CEP76: variants seen among roughly 807,000 people sequenced by gnomAD.
CEP76 encodes centrosomal protein 76, also known as centrosomal protein of 76 kDa.
In CEP76, 55 loss-of-function variants were observed where a neutral mutation model predicts 83.3. The ratio of observed to expected loss-of-function variants is 0.66; its 90% CI spans 0.53 to 0.83. The LOEUF (loss-of-function observed/expected upper bound fraction) is 0.83, where lower values mean the gene tolerates loss of function less well. Among genes scored for constraint, CEP76 ranks in the 40% least tolerant of loss-of-function variants. The pLI, the probability that CEP76 is intolerant of heterozygous loss-of-function variation, is 0.00. For missense variants in CEP76, 694 were observed against 799.5 expected (o/e 0.87, Z 1.59); for synonymous variants, 270 against 274.5 (o/e 0.98, Z 0.16).
intron 8 of CEP76, among the ~76,000 whole-genome samples, chr18:12,682,171 T>TC (rs2039374262): frequency 1.3e-5 from 2 of 152,146 alleles, no homozygotes; most frequent in Admixed American, 1.3e-4. Context: ...TCTTTTTTTT[T>TC]TCCTCTCTTT....
downstream of CEP76, among the ~76,000 whole-genome samples, chr18:12,671,590 TTTTTAATATATAAAA>T (rs1489636987): frequency 1.3e-5 from 2 of 151,510 alleles, no homozygotes; most frequent in African/African-American, 2.4e-5. Context: ...CTTAACACTT[TTTTTAATATATAAAA>T]TTTTAAAATA....
chr18:12,677,414 G>A (rs997241561), intron 10 of CEP76, among the ~76,000 whole-genome samples: 23 of 129,754 alleles, frequency 1.8e-4, no homozygotes, highest in African/African-American at 5.6e-4. Flanking sequence ...CCAAGATCAC[G>A]CCACTGCGCT....
At chr18:12,674,811 C>A in intron 10 of CEP76, 58 bp from the exon 11 acceptor site, 2 of 1,094,394 alleles carry the variant, frequency 1.8e-6, no homozygotes, top group Non-Finnish European at 1.3e-6. Context: ...TTAAAACCAA[C>A]TAAATAAAAA....
At chr18:12,691,745 T>G (rs2039771836) in intron 6 of CEP76, among the ~76,000 whole-genome samples, 1 of 151,298 alleles carries the variant, frequency 6.6e-6, no homozygotes, top group Non-Finnish European at 1.5e-5. Context: ...GGATGCAGTC[T>G]TGCTCTGTCG....
At chr18:12,697,695 AAG>A (rs1187386701) in intron 4 of CEP76, among the ~76,000 whole-genome samples, 1 of 151,432 alleles carries the variant, frequency 6.6e-6, no homozygotes, top group African/African-American at 2.5e-5. Context: ...TACTTAACTA[AAG>A]TATATGCTAC....
chr18:12,696,983 A>T (rs570200486), intron 5 of CEP76, among the ~76,000 whole-genome samples: 1 of 152,066 alleles, frequency 6.6e-6, no homozygotes, highest in Non-Finnish European at 1.5e-5. Context: ...TCCTGTATTC[A>T]TTTTCCAGAA....
chr18:12,672,865 G>A lies in CEP76; in HGVS notation c.*500C>T, dbSNP rs2038982622. On this transcript the variant is annotated 3_prime_UTR_variant, in exon 12 of 12. Coordinates refer to ENST00000262127, the MANE Select transcript of CEP76 (RefSeq NM_024899.4). ...CAGTCTCAAATATCCCAAGGACCAC[G>A]AATAAACCACAAAAGTGGTAATTCA... The A allele has an allele frequency of 2.0e-6, 2 of 985,046 alleles. No individual in the cohort carries two copies. The highest frequency in any genetic ancestry group is 4.7e-5 in the South Asian group (1 of 21,280). 61.0% of individuals were successfully genotyped at this position (985,046 alleles called of 1,614,324 possible). A position where few individuals can be genotyped will look rare whatever the true frequency, so the allele number is the denominator to read the frequency against.
chr18:12,674,232 T>C (rs2039037931), intron 11 of CEP76, among the ~76,000 whole-genome samples: 1 of 151,226 alleles, frequency 6.6e-6, no homozygotes, highest in African/African-American at 2.4e-5. Context: ...AGCCCAGGAG[T>C]TCAAGACCAG....
Position 12,697,313 on chromosome 18 carries a change from T to C in CEP76, c.616A>G (p.Thr206Ala). Residue 206 changes from threonine (T) to alanine (A), a missense_variant, in exon 5 of 12, where the codon ACT becomes GCT. Physicochemically the swap from Thr to Ala is moderately conservative, Grantham distance 58. Coordinates refer to ENST00000262127, the MANE Select transcript of CEP76 (RefSeq NM_024899.4). The part of the protein sequence containing the change: ...LIKTDIFGET[T>A]LVASYFLEWR... Reference sequence around the variant, plus strand: ...TCCAGAAAATATGATGCTACTAAAGTCGTCTCACCAAATATGTCTGTTTTG... The same window carrying C: ...TCCAGAAAATATGATGCTACTAAAGCCGTCTCACCAAATATGTCTGTTTTG... 6.2e-7 allele frequency: 1 copy of C among 1,613,990 alleles called. No individual in the cohort carries two copies. Among genetic ancestry groups the C allele is most frequent in the East Asian group, 2.2e-5 (1 of 44,864 alleles).
At chr18:12,674,868 C>T in intron 10 of CEP76, 115 bp from the exon 11 acceptor site, 2 of 557,106 alleles carry the variant, frequency 3.6e-6, no homozygotes, top group Non-Finnish European at 6.0e-6. Context: ...TAAAAGCTAT[C>T]ATAATATTTT....
At chr18:12,691,841 G>C (rs778770798) in intron 6 of CEP76, among the ~76,000 whole-genome samples, 9 of 151,564 alleles carry the variant, frequency 5.9e-5, no homozygotes, top group Non-Finnish European at 1.3e-4. Flanking sequence ...TCAGCCTCCT[G>C]AGTAGCTGGG....
Position 12,702,636 on chromosome 18 carries a change from G to C in CEP76, c.-88C>G, listed in dbSNP as rs187355773. ...GGCCGGGCCAGGGAGCGTTAGGAGC[G>C]ACTGGAGCACAAAGCGCCGCAGCCG... On this transcript the variant is annotated 5_prime_UTR_variant, in exon 1 of 12. Transcript: ENST00000262127. 7.0e-7 allele frequency: 1 copy of C among 1,432,244 alleles called. No individual in the cohort carries two copies. Among genetic ancestry groups the C allele is most frequent in the South Asian group, 1.3e-5 (1 of 79,242 alleles). The allele number at this position is 1,432,244 out of a possible 1,614,324, so 88.7% of individuals were successfully genotyped here.
At chr18:12,691,049 C>T (rs577456183) in intron 7 of CEP76, among the ~76,000 whole-genome samples, 2 of 151,278 alleles carry the variant, frequency 1.3e-5, no homozygotes, top group African/African-American at 4.9e-5. Context: ...CCAAGTTAAA[C>T]AAAATGGATT....
chr18:12,697,436 A>G (rs767070775), intron 4 of CEP76, 28 bp from the exon 5 acceptor site: 2 of 1,476,760 alleles, frequency 1.4e-6, no homozygotes, highest in Non-Finnish European at 1.9e-6. Flanking sequence ...ACGAAATTAT[A>G]CCACACTACA....
At chr18:12,690,462 GT>G (rs35616464) in intron 7 of CEP76, among the ~76,000 whole-genome samples, 15 of 146,698 alleles carry the variant, frequency 1.0e-4, no homozygotes, top group Admixed American at 2.1e-4. Context: ...ATTTTTTGTT[GT>G]TTTTTTTTTT....
chr18:12,669,613 C>G (rs12965990), downstream of CEP76, among the ~76,000 whole-genome samples: 1 of 151,942 alleles, frequency 6.6e-6, no homozygotes, highest in Non-Finnish European at 1.5e-5. Context: ...GTCAAGAACA[C>G]CACCTTGGAG....
At chr18:12,694,319 G>T (rs1007194436) in intron 6 of CEP76, among the ~76,000 whole-genome samples, 2 of 152,198 alleles carry the variant, frequency 1.3e-5, no homozygotes, top group Non-Finnish European at 2.9e-5. Flanking sequence ...AATATGACAG[G>T]CAGGGTGGAG....
Position 12,695,297 on chromosome 18 carries a change from G to A in CEP76, c.761C>T (p.Pro254Leu), listed in dbSNP as rs1225734730. The change falls in exon 6 of 12, where the codon CCA (proline) becomes CTA (leucine). Residue 254 changes from proline to leucine, a missense_variant. Physicochemically the swap from Pro to Leu is moderately conservative, Grantham distance 98. Transcript: ENST00000262127. ...GILNIKLEMY[P>L]PLNQTLSQEV... ...TTGAGATAACGTTTGATTGAGTGGT[G>A]GATACATTTCAAGTTTTATATTTAA... 1 of 1,570,750 alleles carries A rather than the reference G, an allele frequency of 6.4e-7. No individual in the cohort carries two copies. Among genetic ancestry groups the A allele is most frequent in the African/African-American group, 1.4e-5 (1 of 73,848 alleles).
Position 12,678,185 on chromosome 18 carries a change from G to A in CEP76, c.1547C>T (p.Ala516Val), listed in dbSNP as rs1409403937. Reference protein sequence around the residue: ...TSLPPFPPLCASTIDASVTSN... With the variant: ...TSLPPFPPLCVSTIDASVTSN... ...TGTTACTGACGCGTCAATTGTGGAT[G>A]CACACAGAGGTGGAAAGGGAGGAAG... Residue 516 changes from alanine to valine, a missense_variant, in exon 10 of 12, where the codon GCA (alanine) becomes GTA (valine). Ala to Val is a moderately conservative substitution (Grantham distance 64, BLOSUM62 0). Coordinates refer to ENST00000262127, the MANE Select transcript of CEP76 (RefSeq NM_024899.4). 4 of 1,614,164 alleles carry A rather than the reference G, an allele frequency of 2.5e-6. No homozygotes were observed. Among genetic ancestry groups the A allele is most frequent in the East Asian group, 2.2e-5 (1 of 44,880 alleles).
Sources: allele counts gnomAD v4.1 joint callset (sites outside exome capture counted in the v4.1 genomes callset), GRCh38; gene constraint gnomAD v4.1.1; transcripts MANE v1.5; gene names NCBI Gene and HGNC (gene_info 2026-07-23, HGNC 2026-07-21).